The following ACAP2 variants were observed in gnomAD, a reference collection of about 807,000 sequenced individuals.
ACAP2 encodes ArfGAP with coiled-coil, ankyrin repeat and PH domains 2.
ACAP2 carries 39 observed loss-of-function variants against 115.8 expected under a neutral mutation model. The observed-to-expected ratio is 0.34, with a 90% confidence interval of 0.26 to 0.44. The LOEUF is 0.44. Ranked by LOEUF, ACAP2 falls within the 20% of genes least tolerant of loss-of-function variation. The probability of loss-of-function intolerance (pLI) is 1.00; values close to 1 mark genes in which losing one functional copy is unlikely to be tolerated. For synonymous variants in ACAP2, 289 were observed against 315.8 expected (o/e 0.92, Z 0.90); for missense variants, 662 against 927.6 (o/e 0.71, Z 3.72).
chr3:195,434,485 C>T (rs1426624365), intron 1 of ACAP2, among the ~76,000 whole-genome samples: 3 of 151,528 alleles, frequency 2.0e-5, no homozygotes, highest in Admixed American at 1.3e-4. Flanking sequence ...ATCCTCCTGC[C>T]TCGGCCTCCC....
chr3:195,323,443 A>G (rs1447433084), intron 9 of ACAP2, among the ~76,000 whole-genome samples: 2 of 152,234 alleles, frequency 1.3e-5, no homozygotes, highest in Non-Finnish European at 2.9e-5. Context: ...GATAACATTT[A>G]GAATACAAGT....
chr3:195,289,281 T>A, intron 20 of ACAP2, 50 bp from the exon 21 acceptor site: 3 of 1,313,750 alleles, frequency 2.3e-6, no homozygotes, highest in Non-Finnish European at 3.2e-6. Flanking sequence ...GAAAAAAAAA[T>A]TAGTATTCAC....
chr3:195,369,805 C>G (rs1456419041), intron 4 of ACAP2, among the ~76,000 whole-genome samples: 4 of 152,154 alleles, frequency 2.6e-5, no homozygotes, highest in Non-Finnish European at 5.9e-5. Flanking sequence ...AATGGTAGTT[C>G]TGCTTTTCGG....
chr3:195,308,712 G>T, intron 11 of ACAP2, 74 bp downstream of exon 11: 1 of 1,219,388 alleles, frequency 8.2e-7, no homozygotes, highest in Non-Finnish European at 1.2e-6. Context: ...AGTATGTATA[G>T]ACTTCAATGT....
At chr3:195,424,134 G>T (rs571394176) in intron 1 of ACAP2, among the ~76,000 whole-genome samples, 2 of 150,842 alleles carry the variant, frequency 1.3e-5, no homozygotes, top group South Asian at 4.2e-4. Flanking sequence ...CCACTTAATA[G>T]TTGTGTTCTC....
rs1730323646 is a variant in ACAP2 at position 195,333,732 on chromosome 3, ATAAAG to A, written c.574-614_574-610del. On this transcript the variant is annotated intron_variant, in intron 7 of 22. Transcript: ENST00000326793. ...ACTCTACTATCTTCCTAGGTCCATT[ATAAAG>A]TATTTATGTGCTCCTTCAACCAAGC... Among the ~76,000 whole-genome samples the A allele has an allele frequency of 2.6e-5, 4 of 152,348 alleles. No homozygotes were observed. In the South Asian group the frequency reaches 8.3e-4, roughly 32 times the overall value.
chr3:195,313,886 G>A (rs749298943), intron 10 of ACAP2, among the ~76,000 whole-genome samples: 4 of 152,138 alleles, frequency 2.6e-5, no homozygotes, highest in Admixed American at 6.5e-5. Context: ...AAAGGAAGCT[G>A]CCACACTGAG....
intron 1 of ACAP2, among the ~76,000 whole-genome samples, chr3:195,433,741 T>C (rs1715318743): frequency 6.6e-6 from 1 of 152,260 alleles, no homozygotes; most frequent in Admixed American, 6.5e-5. Flanking sequence ...TTATAGTATA[T>C]TGCATTGATT....
At chr3:195,316,541 G>A (rs1729102512) in intron 10 of ACAP2, among the ~76,000 whole-genome samples, 1 of 151,958 alleles carries the variant, frequency 6.6e-6, no homozygotes, top group African/African-American at 2.4e-5. Context: ...GGGATTACAG[G>A]CATGCGCCAC....
chr3:195,354,089 G>A (rs902250671), intron 4 of ACAP2, among the ~76,000 whole-genome samples: 9 of 152,098 alleles, frequency 5.9e-5, no homozygotes, highest in African/African-American at 2.2e-4. Flanking sequence ...GAGAACATGT[G>A]GTATTTGGTT....
intron 1 of ACAP2, among the ~76,000 whole-genome samples, chr3:195,396,523 C>T (rs981801236): frequency 1.3e-5 from 2 of 151,928 alleles, no homozygotes; most frequent in African/African-American, 4.8e-5. Context: ...CACGGTGGCT[C>T]ACGTCTGTAA....
rs1728095046 is a variant in ACAP2, at chr3:195,302,038, C to A, written c.1253G>T (p.Gly418Val). Reference sequence around the variant, plus strand: ...GCTGGCCCACCGTGGATCTGCCAGGCCACAGTCACAACAGCTGGCATTGCC... The same window carrying A: ...GCTGGCCCACCGTGGATCTGCCAGGACACAGTCACAACAGCTGGCATTGCC... ...IPGNASCCDC[G>V]LADPRWASIN... is the part of the protein sequence containing the mutation. Residue 418 changes from glycine to valine, a missense_variant, in exon 14 of 23, where the codon GGC becomes GTC. Coordinates refer to ENST00000326793, the MANE Select transcript of ACAP2 (RefSeq NM_012287.6). 1 of 1,613,966 alleles carries A rather than the reference C, an allele frequency of 6.2e-7. No individual in the cohort carries two copies. Among genetic ancestry groups the A allele is most frequent in the Non-Finnish European group, 8.5e-7 (1 of 1,180,038 alleles).
In ACAP2 at chr3:195,307,203, G is replaced by A. The variant is rs777595780; in HGVS notation, c.1010+20C>T. The stretch of plus-strand genomic sequence containing the variant: ...TATAAAAACATAAAAGCAAATCACA[G>A]ATCCTTTAGAACCACTTACTTTGTT... On this transcript the variant is annotated intron_variant, in intron 12 of 22. Coordinates refer to ENST00000326793, the MANE Select transcript of ACAP2 (RefSeq NM_012287.6). 2 of 1,584,516 alleles carry A rather than the reference G, an allele frequency of 1.3e-6. No individual in the cohort carries two copies. The highest frequency in any genetic ancestry group is 1.7e-6 in the Non-Finnish European group (2 of 1,158,160).
chr3:195,301,674 A>G (rs2108963867), intron 14 of ACAP2, 30 bp from the exon 15 acceptor site: 1 of 1,586,382 alleles, frequency 6.3e-7, no homozygotes, highest in Non-Finnish European at 8.6e-7. Context: ...CTGCATTACT[A>G]TCAAGTCTCT....
chr3:195,417,690 G>A (rs1225515665), intron 1 of ACAP2, among the ~76,000 whole-genome samples: 2 of 152,170 alleles, frequency 1.3e-5, no homozygotes, highest in Non-Finnish European at 2.9e-5. Flanking sequence ...GCTCACACCT[G>A]TAATCCTAGC....
chr3:195,424,674 G>A (rs1033052186), intron 1 of ACAP2, among the ~76,000 whole-genome samples: 1 of 151,790 alleles, frequency 6.6e-6, no homozygotes, highest in African/African-American at 2.4e-5. Flanking sequence ...ATCCCACCTG[G>A]GGAGGCCAAG....
At chr3:195,311,027 T>C (rs1246844498) in intron 10 of ACAP2, among the ~76,000 whole-genome samples, 1 of 151,962 alleles carries the variant, frequency 6.6e-6, no homozygotes, top group Non-Finnish European at 1.5e-5. Flanking sequence ...TAAAAGGGAA[T>C]ATAATTTTTA....
intron 4 of ACAP2, among the ~76,000 whole-genome samples, chr3:195,350,605 T>C (rs947161507): frequency 5.9e-5 from 9 of 151,718 alleles, no homozygotes; most frequent in African/African-American, 2.2e-4. Flanking sequence ...GTCATTTTCA[T>C]TTCACTGCAC....
At chr3:195,279,485 C>T (rs1577223986) in intron 22 of ACAP2, 57 bp from the exon 23 acceptor site, 2 of 1,149,900 alleles carry the variant, frequency 1.7e-6, no homozygotes, top group East Asian at 5.3e-5. Flanking sequence ...AATCAAACAA[C>T]ATTCATATTT....
Sources: allele counts gnomAD v4.1 joint callset (sites outside exome capture counted in the v4.1 genomes callset), GRCh38; gene constraint gnomAD v4.1.1; transcripts MANE v1.5; gene names NCBI Gene and HGNC (gene_info 2026-07-23, HGNC 2026-07-21).